The following ARHGAP24 variants were observed in gnomAD, a reference collection of about 807,000 sequenced individuals.
ARHGAP24 encodes rho GTPase-activating protein 24.
A neutral mutation model predicts 76.4 loss-of-function variants in ARHGAP24; 50 were observed. That is an observed-to-expected ratio of 0.65 (90% confidence interval 0.52 to 0.83). The LOEUF (loss-of-function observed/expected upper bound fraction) is 0.83. Ranked by LOEUF, ARHGAP24 falls within the 40% of genes least tolerant of loss-of-function variation. ARHGAP24 has a pLI of 0.00. For missense variants in ARHGAP24, 930 were observed against 914.2 expected, an observed-to-expected ratio of 1.02 and a Z score of -0.22; for synonymous variants, 345 against 323.3, an observed-to-expected ratio of 1.07 and a Z score of -0.72.
At chr4:85,853,440 G>A (rs1172532989) in intron 3 of ARHGAP24, among the ~76,000 whole-genome samples, 1 of 152,164 alleles carries the variant, frequency 6.6e-6, no homozygotes, top group Non-Finnish European at 1.5e-5. Context: ...CCCAGGTGAG[G>A]TGATGCCCCG....
At chr4:85,668,153 A>T (rs562441030) in intron 2 of ARHGAP24, among the ~76,000 whole-genome samples, 59 of 152,346 alleles carry the variant, frequency 3.9e-4, no homozygotes, top group Non-Finnish European at 7.1e-4. Flanking sequence ...GAGTATAATG[A>T]GTTCCTTATT....
chr4:85,822,214 G>T (rs1729503449), intron 3 of ARHGAP24, among the ~76,000 whole-genome samples: 2 of 152,034 alleles, frequency 1.3e-5, no homozygotes, highest in African/African-American at 4.8e-5. Context: ...CAATTAATGT[G>T]GATTTGGTCT....
intron 2 of ARHGAP24, among the ~76,000 whole-genome samples, chr4:85,667,736 G>A (rs554531395): frequency 6.6e-6 from 1 of 151,986 alleles, no homozygotes; most frequent in Non-Finnish European, 1.5e-5. Context: ...GTGTTTTTCT[G>A]TATCCAGTAT....
chr4:85,528,439 G>T (rs966784480), intron 1 of ARHGAP24, among the ~76,000 whole-genome samples: 12 of 152,028 alleles, frequency 7.9e-5, no homozygotes. Flanking sequence ...AAAATTTCTG[G>T]TGTTAGTGTA....
At chr4:85,647,551 ACCT>A (rs1319079700) in intron 2 of ARHGAP24, among the ~76,000 whole-genome samples, 1 of 152,122 alleles carries the variant, frequency 6.6e-6, no homozygotes, top group East Asian at 1.9e-4. Flanking sequence ...CTTACTTGTT[ACCT>A]CATTATTTTC....
intron 3 of ARHGAP24, among the ~76,000 whole-genome samples, chr4:85,822,487 T>C (rs1258682140): frequency 6.6e-6 from 1 of 152,180 alleles, no homozygotes; most frequent in African/African-American, 2.4e-5. Context: ...ATGTAAAGAA[T>C]GCAAACAAAA....
intron 7 of ARHGAP24, among the ~76,000 whole-genome samples, chr4:85,976,823 C>T (rs1204026461): frequency 1.0e-4 from 15 of 149,424 alleles, no homozygotes; most frequent in African/African-American, 3.7e-4. Context: ...ACTCTTGTTG[C>T]CCAGGCTGGA....
In ARHGAP24 at chr4:85,981,111, T is replaced by TAACACAA. The variant is rs1739637802; in HGVS notation, c.928+3421_928+3427dup. Reference sequence around the variant, plus strand: ...CACTTCTGCATGCTCCCTCTAAAAGTAACACAATGATTGGCTCAAGGGGAA... The same window carrying TAACACAA: ...CACTTCTGCATGCTCCCTCTAAAAGTAACACAAAACACAATGATTGGCTCAAGGGGAA... On this transcript the variant is annotated intron_variant, in intron 8 of 9. Coordinates refer to ENST00000395184, the MANE Select transcript of ARHGAP24 (RefSeq NM_001025616.3). 3.3e-5 allele frequency among the ~76,000 whole-genome samples: 5 copies of TAACACAA among 152,176 alleles called. No homozygotes were observed. The South Asian group carries it at 1.0e-3, about 32-fold the overall frequency.
At chr4:85,618,876 A>G (rs1720620476) in intron 2 of ARHGAP24, among the ~76,000 whole-genome samples, 2 of 152,038 alleles carry the variant, frequency 1.3e-5, no homozygotes, top group South Asian at 4.1e-4. Context: ...TTTGATATTA[A>G]CGCCTTATCA....
intron 2 of ARHGAP24, among the ~76,000 whole-genome samples, chr4:85,684,901 A>G (rs1259585912): frequency 6.6e-6 from 1 of 152,206 alleles, no homozygotes; most frequent in African/African-American, 2.4e-5. Flanking sequence ...CTGAGGTCTC[A>G]ACAAAGTGTC....
chr4:85,716,533 C>A (rs1383322498), intron 2 of ARHGAP24, among the ~76,000 whole-genome samples: 1 of 152,056 alleles, frequency 6.6e-6, no homozygotes, highest in African/African-American at 2.4e-5. Context: ...CCTTGTTGTA[C>A]TTGAGCCTCT....
At chr4:85,602,895 A>G (rs1430034802) in intron 2 of ARHGAP24, among the ~76,000 whole-genome samples, 1 of 152,202 alleles carries the variant, frequency 6.6e-6, no homozygotes, top group African/African-American at 2.4e-5. Flanking sequence ...TTTTAAGGTG[A>G]CACTGAGAGA....
chr4:85,665,137 G>A (rs1722562388), intron 2 of ARHGAP24, among the ~76,000 whole-genome samples: 1 of 152,072 alleles, frequency 6.6e-6, no homozygotes, highest in Non-Finnish European at 1.5e-5. Context: ...CATTATTATT[G>A]TGTGGGAGTC....
At chr4:85,722,149 TCA>T (rs1369095568) in intron 3 of ARHGAP24, 177 bp downstream of exon 3, 7 of 589,618 alleles carry the variant, frequency 1.2e-5, no homozygotes, top group Non-Finnish European at 2.1e-5. Flanking sequence ...ATGAATGCAC[TCA>T]CACACACATA....
chr4:85,728,261 A>G (rs991857640), intron 3 of ARHGAP24, among the ~76,000 whole-genome samples: 13 of 149,828 alleles, frequency 8.7e-5, no homozygotes, highest in African/African-American at 3.2e-4. Flanking sequence ...AAAGGCAAAT[A>G]CCTACCAAAA....
chr4:85,588,366 T>A (rs1157404075), intron 2 of ARHGAP24, among the ~76,000 whole-genome samples: 1 of 152,250 alleles, frequency 6.6e-6, no homozygotes, highest in African/African-American at 2.4e-5. Flanking sequence ...TTCATGCCTT[T>A]CTGCCCTTCC....
intron 2 of ARHGAP24, among the ~76,000 whole-genome samples, chr4:85,635,077 GT>G (rs1258236600): frequency 6.6e-6 from 1 of 151,772 alleles, no homozygotes; most frequent in African/African-American, 2.4e-5. Flanking sequence ...ACCAATATAT[GT>G]TTTTTATTTC....
intron 1 of ARHGAP24, among the ~76,000 whole-genome samples, chr4:85,504,851 C>T (rs1018295164): frequency 2.9e-4 from 44 of 152,162 alleles, no homozygotes; most frequent in African/African-American, 9.9e-4. Context: ...TTTGCAGTGG[C>T]TGGCACCAGT....
In ARHGAP24 at chr4:85,662,836, G is replaced by A. The variant is rs1165848351; in HGVS notation, c.181-59049G>A. The stretch of plus-strand genomic sequence containing the variant: ...AAAGATCAGATAGTTGTAGATATGC[G>A]GCGTTATTTCTGAGGGCTCTGTTCT... On this transcript the variant is annotated intron_variant, in intron 2 of 9. Coordinates refer to ENST00000395184, the MANE Select transcript of ARHGAP24 (RefSeq NM_001025616.3). 5.3e-5 allele frequency among the ~76,000 whole-genome samples: 8 copies of A among 152,188 alleles called. No individual in the cohort carries two copies. The South Asian group carries it at 6.2e-4, about 12-fold the overall frequency.
Sources: allele counts gnomAD v4.1 joint callset (sites outside exome capture counted in the v4.1 genomes callset), GRCh38; gene constraint gnomAD v4.1.1; transcripts MANE v1.5; gene names NCBI Gene and HGNC (gene_info 2026-07-23, HGNC 2026-07-21).